Variants in NAA11 observed in about 807,000 individuals in gnomAD.
NAA11 encodes the protein N-alpha-acetyltransferase 11, NatA catalytic subunit, also known as N-alpha-acetyltransferase 11.
Under a neutral mutation model 16.1 loss-of-function variants are expected in NAA11, and 15 were observed. The ratio of observed to expected loss-of-function variants is 0.93; its 90% confidence interval spans 0.62 to 1.44. The LOEUF is 1.44. Ranked by LOEUF, NAA11 falls within the 40% of genes most tolerant of loss-of-function variation. The pLI is 0.00. For missense variants in NAA11, 298 were observed against 291.3 expected (o/e 1.02, Z -0.17); for synonymous variants, 122 against 112.4 (o/e 1.09, Z -0.54).
chr4:79,311,740 C>T (rs534762902), downstream of NAA11, among the ~76,000 whole-genome samples: 4 of 152,330 alleles, frequency 2.6e-5, no homozygotes, highest in African/African-American at 9.6e-5. Flanking sequence ...TAATTAGACA[C>T]ACAAAAGCTG....
At chr4:79,233,167 T>G (rs1721502675) in intron 2 of NAA11, among the ~76,000 whole-genome samples, 1 of 151,942 alleles carries the variant, frequency 6.6e-6, no homozygotes, top group African/African-American at 2.4e-5. Flanking sequence ...GTGAGTTGGA[T>G]TCAAGTGTTT....
At chr4:79,161,429 G>C in the NAA11 span, among the ~76,000 whole-genome samples, 1 of 152,124 alleles carries the variant, frequency 6.6e-6, no homozygotes, top group Non-Finnish European at 1.5e-5. Flanking sequence ...CTATAGCTTT[G>C]TAAGAAATTT....
At chr4:79,229,533 T>C (rs4975173) in intron 2 of NAA11, among the ~76,000 whole-genome samples, 126,398 of 151,798 alleles carry the variant, frequency 0.83, 53,792 homozygotes, top group Non-Finnish European at 0.92. Flanking sequence ...AGTCAATGAA[T>C]TCATAAAAAT....
chr4:79,302,455 GCTGA>G (rs1233269807), intron 1 of NAA11, among the ~76,000 whole-genome samples: 2 of 152,286 alleles, frequency 1.3e-5, no homozygotes, highest in South Asian at 2.1e-4. Context: ...ATGTGCAGTT[GCTGA>G]CTAATATTAA....
intron 2 of NAA11, among the ~76,000 whole-genome samples, chr4:79,277,081 T>C (rs1722666461): frequency 1.3e-5 from 2 of 152,140 alleles, no homozygotes. Flanking sequence ...TAAAACTCAA[T>C]GTTGCACCTT....
intron 2 of NAA11, among the ~76,000 whole-genome samples, chr4:79,273,934 T>C (rs1477216012): frequency 6.6e-6 from 1 of 152,028 alleles, no homozygotes; most frequent in Non-Finnish European, 1.5e-5. Context: ...ATATGTCCAT[T>C]TGATGTGTCA....
chr4:79,180,064 T>G, the NAA11 span, among the ~76,000 whole-genome samples: 137 of 152,274 alleles, frequency 9.0e-4, no homozygotes, highest in African/African-American at 3.1e-3. Context: ...CTCCATCTGG[T>G]CTCTCCCTTG....
At chr4:79,235,452 C>CA (rs371258993) in intron 2 of NAA11, among the ~76,000 whole-genome samples, 54 of 151,912 alleles carry the variant, frequency 3.6e-4, no homozygotes, top group African/African-American at 8.0e-4. Flanking sequence ...ACCAATTATT[C>CA]AAAAAAAACC....
At chr4:79,268,135 G>A (rs1366344788) in intron 2 of NAA11, among the ~76,000 whole-genome samples, 1 of 152,066 alleles carries the variant, frequency 6.6e-6, no homozygotes, top group Admixed American at 6.6e-5. Flanking sequence ...TGAAGGAAAG[G>A]TTCAAAGGAT....
chr4:79,298,743 G>A lies in NAA11; in HGVS notation c.*13-4629C>T, dbSNP rs540211041. Among the ~76,000 whole-genome samples, 7 of 152,330 alleles carry A rather than the reference G, an allele frequency of 4.6e-5. 1 individual carries two copies. The South Asian group carries it at 1.4e-3, about 32-fold the overall frequency. ...GAGACCCAGACCAGTGGTATGAGCCGAGTGCAGCCTACTGGCCAAGTGGGC... is the reference window on the plus strand; with the variant it reads ...GAGACCCAGACCAGTGGTATGAGCCAAGTGCAGCCTACTGGCCAAGTGGGC... On this transcript the variant is annotated intron_variant and NMD_transcript_variant, in intron 1 of 2. Coordinates refer to the NAA11 transcript ENST00000511542.
At chr4:79,261,859 C>T (rs964474840) in intron 2 of NAA11, among the ~76,000 whole-genome samples, 7 of 152,150 alleles carry the variant, frequency 4.6e-5, no homozygotes, top group Non-Finnish European at 1.5e-5. Flanking sequence ...ATTATATACT[C>T]CTTTTGAAGA....
intron 2 of NAA11, among the ~76,000 whole-genome samples, chr4:79,232,588 A>G (rs575053377): frequency 2.6e-5 from 4 of 151,976 alleles, no homozygotes; most frequent in African/African-American, 9.7e-5. Flanking sequence ...CAAGTTCTCT[A>G]TCCACTTGTT....
the NAA11 span, among the ~76,000 whole-genome samples, chr4:79,163,874 G>C: frequency 1.1e-4 from 17 of 152,124 alleles, no homozygotes; most frequent in Admixed American, 1.1e-3. Flanking sequence ...TGTGGAAGGA[G>C]GGCCAGAGCT....
chr4:79,208,929 A>AAAAAAC, the NAA11 span, among the ~76,000 whole-genome samples: 1 of 145,822 alleles, frequency 6.9e-6, no homozygotes, highest in African/African-American at 2.5e-5. Context: ...AACTGCCAAA[A>AAAAAAC]AAAAAAAAAA....
At chr4:79,159,992 C>CTT in the NAA11 span, among the ~76,000 whole-genome samples, 11 of 133,128 alleles carry the variant, frequency 8.3e-5, no homozygotes, top group African/African-American at 2.2e-4. Flanking sequence ...TTTCTACTTT[C>CTT]TTTTTTTTTT....
At chr4:79,302,202 AG>A (rs1308937403) in intron 1 of NAA11, among the ~76,000 whole-genome samples, 1 of 152,194 alleles carries the variant, frequency 6.6e-6, no homozygotes, top group Admixed American at 6.5e-5. Flanking sequence ...ATTATATTAC[AG>A]ATTTCTGCTT....
intron 2 of NAA11, among the ~76,000 whole-genome samples, chr4:79,247,719 A>G (rs564457283): frequency 6.6e-6 from 1 of 152,136 alleles, no homozygotes; most frequent in Non-Finnish European, 1.5e-5. Context: ...AACCCTGCCC[A>G]GGACTACCAT....
the NAA11 span, among the ~76,000 whole-genome samples, chr4:79,172,714 T>C: frequency 6.6e-6 from 1 of 152,134 alleles, no homozygotes; most frequent in East Asian, 1.9e-4. Flanking sequence ...CTTCTCTAGA[T>C]TTAGAAGCAC....
the NAA11 span, among the ~76,000 whole-genome samples, chr4:79,181,463 TCTGAGATTTTCC>T: frequency 1.3e-5 from 2 of 152,164 alleles, no homozygotes; most frequent in East Asian, 3.9e-4. Flanking sequence ...TACAACCAGC[TCTGAGATTTTCC>T]TTCACTCCTT....
Sources: allele counts gnomAD v4.1 joint callset (sites outside exome capture counted in the v4.1 genomes callset), GRCh38; gene constraint gnomAD v4.1.1; transcripts MANE v1.5; gene names NCBI Gene and HGNC (gene_info 2026-07-23, HGNC 2026-07-21).